The following PRDM6 variants were observed in gnomAD, a reference collection of about 807,000 sequenced individuals.
PRDM6 encodes the protein putative histone-lysine N-methyltransferase PRDM6.
A neutral mutation model predicts 60.8 loss-of-function variants in PRDM6; 25 were observed. The ratio of observed to expected loss-of-function variants is 0.41; its 90% confidence interval spans 0.30 to 0.57. PRDM6 has a LOEUF of 0.57. Among genes scored for constraint, PRDM6 ranks in the 20% least tolerant of loss-of-function variants. The pLI, the probability that PRDM6 is intolerant of heterozygous loss-of-function variation, is 0.27. For missense variants in PRDM6, 839 were observed against 821.3 expected, an observed-to-expected ratio of 1.02 and a Z score of -0.26; for synonymous variants, 407 against 357.4, an observed-to-expected ratio of 1.14 and a Z score of -1.57.
chr5:123,137,984 A>T (rs419201), intron 3 of PRDM6, among the ~76,000 whole-genome samples: 1 of 151,620 alleles, frequency 6.6e-6, no homozygotes, highest in African/African-American at 2.4e-5. Context: ...AAAACCACGA[A>T]TGCTGATGCT....
At chr5:123,152,099 A>C (rs1458112323) in intron 3 of PRDM6, among the ~76,000 whole-genome samples, 2 of 152,200 alleles carry the variant, frequency 1.3e-5, no homozygotes, top group South Asian at 2.1e-4. Flanking sequence ...TCTGGGAAGC[A>C]CAGGAGTGAT....
intron 3 of PRDM6, among the ~76,000 whole-genome samples, chr5:123,104,789 C>T (rs1470892346): frequency 6.6e-6 from 1 of 152,126 alleles, no homozygotes. Flanking sequence ...AGAGTGTGAG[C>T]ATTTTGTAGT....
intron 3 of PRDM6, among the ~76,000 whole-genome samples, chr5:123,121,092 TCTTA>T (rs930094800): frequency 1.7e-4 from 26 of 152,328 alleles, no homozygotes; most frequent in African/African-American, 5.1e-4. Flanking sequence ...ATGTAAAATT[TCTTA>T]CTTTGTGCAA....
chr5:123,115,880 T>C (rs1764429450), intron 3 of PRDM6, among the ~76,000 whole-genome samples: 1 of 152,194 alleles, frequency 6.6e-6, no homozygotes, highest in African/African-American at 2.4e-5. Context: ...TTTGAAAATA[T>C]TACTAATCAT....
chr5:123,165,728 A>G (rs1276469552), intron 5 of PRDM6, among the ~76,000 whole-genome samples: 1 of 152,100 alleles, frequency 6.6e-6, no homozygotes, highest in Admixed American at 6.5e-5. Context: ...ATCTAATCGT[A>G]TTCCCCCTTT....
At chr5:123,121,853 GTTT>G (rs111771327) in intron 3 of PRDM6, among the ~76,000 whole-genome samples, 3 of 136,378 alleles carry the variant, frequency 2.2e-5, no homozygotes, top group African/African-American at 8.0e-5. Flanking sequence ...GAGTTTTTTA[GTTT>G]TTTTTTTTTT....
chr5:123,098,977 G>A (rs1292714138), intron 2 of PRDM6, among the ~76,000 whole-genome samples: 1 of 151,772 alleles, frequency 6.6e-6, no homozygotes, highest in Non-Finnish European at 1.5e-5. Flanking sequence ...GCCCCGTCCC[G>A]TGGCGTTTGG....
chr5:123,099,422 C>A lies in PRDM6; in HGVS notation c.593-232C>A, dbSNP rs1473771474. 1.3e-5 allele frequency among the ~76,000 whole-genome samples: 2 copies of A among 152,166 alleles called. No homozygotes were observed. The highest frequency in any genetic ancestry group is 2.9e-5 in the Non-Finnish European group (2 of 68,008). ...GAAGGCTTTTTGGGGAGCCTAGAGT[C>A]CTGGCCCGGTACCAGGCAGATCTGG... is the stretch of plus-strand genomic sequence containing the variant. On this transcript the variant is annotated intron_variant, in intron 2 of 7. Transcript: ENST00000407847. The surrounding 1 kb of genome is among the most constrained non-coding windows in gnomAD (Gnocchi z 4.0).
intron 6 of PRDM6, among the ~76,000 whole-genome samples, chr5:123,173,146 G>A (rs1280638369): frequency 2.0e-5 from 3 of 149,410 alleles, no homozygotes; most frequent in African/African-American, 4.9e-5. Flanking sequence ...AGCCGAGATC[G>A]CACCACTGCA....
chr5:123,156,611 C>T (rs991313268), intron 4 of PRDM6, among the ~76,000 whole-genome samples: 7 of 152,184 alleles, frequency 4.6e-5, no homozygotes, highest in Non-Finnish European at 1.0e-4. Flanking sequence ...AGTTTCCGGG[C>T]ATAGAGAAGC....
At chr5:123,147,422 T>G (rs1298671612) in intron 3 of PRDM6, among the ~76,000 whole-genome samples, 1 of 152,208 alleles carries the variant, frequency 6.6e-6, no homozygotes, top group African/African-American at 2.4e-5. Flanking sequence ...GAGACAGTTG[T>G]GCACTGTGGA....
chr5:123,101,362 A>G (rs1168668729), intron 3 of PRDM6, among the ~76,000 whole-genome samples: 1 of 152,176 alleles, frequency 6.6e-6, no homozygotes, highest in Non-Finnish European at 1.5e-5. Flanking sequence ...CGTGGAAGCC[A>G]ATGAACTACC....
chr5:123,122,470 G>T (rs1035813256), intron 3 of PRDM6, among the ~76,000 whole-genome samples: 1 of 152,096 alleles, frequency 6.6e-6, no homozygotes, highest in South Asian at 2.1e-4. Context: ...TCTTCTTTGG[G>T]TGATGACTGA....
intron 3 of PRDM6, among the ~76,000 whole-genome samples, chr5:123,145,130 G>A (rs1448267847): frequency 6.6e-6 from 1 of 152,138 alleles, no homozygotes; most frequent in Admixed American, 6.5e-5. Context: ...ATCCAGCATT[G>A]GTTTAAATGA....
chr5:123,117,229 T>C (rs1764470485), intron 3 of PRDM6, among the ~76,000 whole-genome samples: 1 of 152,096 alleles, frequency 6.6e-6, no homozygotes, highest in Non-Finnish European at 1.5e-5. Flanking sequence ...TCTAGGGTTA[T>C]GTAATTTTAA....
At chr5:123,122,883 T>C (rs1764611090) in intron 3 of PRDM6, among the ~76,000 whole-genome samples, 1 of 152,208 alleles carries the variant, frequency 6.6e-6, no homozygotes, top group African/African-American at 2.4e-5. Context: ...CATTCTTTAC[T>C]ACGAGTTTAA....
chr5:123,101,370 AC>A (rs1424104916), intron 3 of PRDM6, among the ~76,000 whole-genome samples: 1 of 152,098 alleles, frequency 6.6e-6, no homozygotes, highest in East Asian at 1.9e-4. Flanking sequence ...CCAATGAACT[AC>A]CTACCCTATA....
chr5:123,184,614 G>A (rs1282172730), intron 7 of PRDM6, among the ~76,000 whole-genome samples: 1 of 152,120 alleles, frequency 6.6e-6, no homozygotes, highest in African/African-American at 2.4e-5. Flanking sequence ...TGTAATTCAG[G>A]GTTAGTTTAG....
intron 7 of PRDM6, among the ~76,000 whole-genome samples, chr5:123,184,833 C>T (rs1766247215): frequency 6.6e-6 from 1 of 152,132 alleles, no homozygotes; most frequent in Non-Finnish European, 1.5e-5. Context: ...TCTTGTCATT[C>T]CCAGACAACA....
Sources: gnomAD v4.1 joint callset for allele counts (sites outside exome capture counted in the v4.1 genomes callset) on GRCh38, gnomAD v4.1.1 for gene constraint, Gnocchi (gnomAD v3.1) non-coding constraint, MANE v1.5 for transcripts, NCBI Gene and HGNC (gene_info 2026-07-23, HGNC 2026-07-21) for gene names.